The following ASNS variants were observed in gnomAD, a reference collection of about 807,000 sequenced individuals.
ASNS encodes the protein asparagine synthetase (glutamine-hydrolyzing), also known as asparagine synthetase [glutamine-hydrolyzing].
A neutral mutation model predicts 62.6 loss-of-function variants in ASNS; 37 were observed. The ratio of observed to expected loss-of-function variants is 0.59; its 90% CI spans 0.45 to 0.78. ASNS has a LOEUF of 0.78. ASNS is among the 30% of genes least tolerant of loss of function. The probability of loss-of-function intolerance (pLI) is 0.00; values close to 1 mark genes in which losing one functional copy is unlikely to be tolerated. For synonymous variants in ASNS, 207 were observed against 237.9 expected, an observed-to-expected ratio of 0.87 and a Z score of 1.19; for missense variants, 520 against 682.4, an observed-to-expected ratio of 0.76 and a Z score of 2.65.
At chr7:97,895,651 C>A in the ASNS span, among the ~76,000 whole-genome samples, 3 of 152,162 alleles carry the variant, frequency 2.0e-5, no homozygotes, top group Admixed American at 1.3e-4. Flanking sequence ...ATTAGCCAGG[C>A]ATGGTGGTAG....
At chr7:97,907,458 AG>A in the ASNS span, among the ~76,000 whole-genome samples, 2 of 152,280 alleles carry the variant, frequency 1.3e-5, no homozygotes, top group Admixed American at 1.3e-4. Context: ...GGCCAGGGAA[AG>A]GGGGTTAGTA....
At position 97,872,350 on chromosome 7, in the gene ASNS, C is replaced by CGCGGGGCGCAGGGCG. The variant is rs1562826029; in HGVS notation, c.-60_-60+1insCGCCCTGCGCCCCGC. On this transcript the variant is annotated splice_region_variant and 5_prime_UTR_variant. Coordinates refer to ENST00000394308, the MANE Select transcript of ASNS (RefSeq NM_001673.5). Reference sequence around the variant, plus strand: ...GGCACGGGGCGCAGGACCCGGCTCACCTGGGCGTAAGCAGGTCAGGGTGAT... The same window carrying CGCGGGGCGCAGGGCG: ...GGCACGGGGCGCAGGACCCGGCTCACGCGGGGCGCAGGGCGCTGGGCGTAAGCAGGTCAGGGTGAT... 1 of 153,368 alleles carries CGCGGGGCGCAGGGCG rather than the reference C, an allele frequency of 6.5e-6. No individual in the cohort carries two copies. The highest frequency in any genetic ancestry group is 2.4e-5 in the African/African-American group (1 of 41,478). The allele number at this position is 153,368 out of a possible 1,614,324, so 9.5% of individuals were successfully genotyped here.
chr7:97,888,502 C>G, the ASNS span, among the ~76,000 whole-genome samples: 2 of 152,136 alleles, frequency 1.3e-5, no homozygotes, highest in African/African-American at 4.8e-5. Flanking sequence ...TCTACATAAG[C>G]TTTTAGGCTA....
the ASNS span, among the ~76,000 whole-genome samples, chr7:97,903,242 GTT>G: frequency 9.4e-3 from 1,348 of 142,684 alleles, 11 homozygotes; most frequent in African/African-American, 0.021. Flanking sequence ...AAGATCCAGA[GTT>G]TTTTTTTTTT....
the ASNS span, chr7:97,928,104 T>G: frequency 6.5e-7 from 1 of 1,529,448 alleles, no homozygotes; most frequent in Non-Finnish European, 8.7e-7. Context: ...GCCACCTGTC[T>G]GGGTGCCGGT....
the ASNS span, among the ~76,000 whole-genome samples, chr7:97,900,466 A>G: frequency 6.6e-6 from 1 of 151,928 alleles, no homozygotes; most frequent in Non-Finnish European, 1.5e-5. Flanking sequence ...TGGTGTAGCC[A>G]CTGTGAGAAA....
chr7:97,910,830 G>A, the ASNS span, among the ~76,000 whole-genome samples: 1 of 152,042 alleles, frequency 6.6e-6, no homozygotes, highest in Non-Finnish European at 1.5e-5. Flanking sequence ...TTGATCTCTT[G>A]ACCTCATGAT....
intron 4 of ASNS, chr7:97,863,081 C>T (rs1441850929): frequency 2.0e-5 from 3 of 152,180 alleles, no homozygotes; most frequent in Non-Finnish European, 1.5e-5. Flanking sequence ...ATTAGTCTGG[C>T]AGTTCTTCAA....
intron 3 of ASNS, among the ~76,000 whole-genome samples, chr7:97,866,499 C>T (rs149895544): frequency 0.01 from 1,547 of 152,318 alleles, 15 homozygotes; most frequent in Non-Finnish European, 0.016. Flanking sequence ...TTCTGACACT[C>T]TCCACCATCA....
the ASNS span, among the ~76,000 whole-genome samples, chr7:97,912,337 C>A: frequency 6.6e-6 from 1 of 152,066 alleles, no homozygotes; most frequent in African/African-American, 2.4e-5. Context: ...TAGGTCAGGG[C>A]TGTTTTTTTG....
At chr7:97,877,145 A>C (rs939087169), upstream of ASNS, among the ~76,000 whole-genome samples, 18 of 143,528 alleles carry the variant, frequency 1.3e-4, no homozygotes, top group African/African-American at 4.7e-4. Context: ...CCCAGGTTGG[A>C]GTGCAGTGGC....
At chr7:97,855,104 A>C in intron 9 of ASNS, 1 of 423,460 alleles carries the variant, frequency 2.4e-6, no homozygotes, top group Admixed American at 3.7e-5. Context: ...CAGCCTCCTC[A>C]GCAGCTGGGG....
At chr7:97,889,982 G>A in the ASNS span, among the ~76,000 whole-genome samples, 9 of 117,764 alleles carry the variant, frequency 7.6e-5, no homozygotes, top group South Asian at 2.7e-4. Context: ...GTATCTGAAC[G>A]ACAAATTCAA....
chr7:97,903,714 A>G, the ASNS span, among the ~76,000 whole-genome samples: 1 of 152,238 alleles, frequency 6.6e-6, no homozygotes, highest in African/African-American at 2.4e-5. Flanking sequence ...CGTGAGCTAC[A>G]CATATTGATC....
At chr7:97,927,986 C>T in the ASNS span, 5 of 705,530 alleles carry the variant, frequency 7.1e-6, no homozygotes, top group Non-Finnish European at 1.2e-5. Context: ...AGCTTTAACC[C>T]GGGGCAGGCC....
intron 4 of ASNS, among the ~76,000 whole-genome samples, chr7:97,861,596 T>C (rs936808397): frequency 6.6e-6 from 1 of 152,206 alleles, no homozygotes; most frequent in African/African-American, 2.4e-5. Flanking sequence ...TCAGTTAATA[T>C]GAGGTCTCCT....
At chr7:97,878,043 A>G in the ASNS span, among the ~76,000 whole-genome samples, 1 of 152,188 alleles carries the variant, frequency 6.6e-6, no homozygotes, top group Non-Finnish European at 1.5e-5. Flanking sequence ...ACAGGTTGTG[A>G]GCGCCAGGTG....
At chr7:97,896,731 C>CATAT in the ASNS span, among the ~76,000 whole-genome samples, 11 of 27,868 alleles carry the variant, frequency 3.9e-4, no homozygotes, top group African/African-American at 9.7e-4. Context: ...CACACACACA[C>CATAT]ACACACACAC....
the ASNS span, among the ~76,000 whole-genome samples, chr7:97,895,601 G>A: frequency 2.6e-5 from 4 of 151,910 alleles, no homozygotes; most frequent in Non-Finnish European, 4.4e-5. Context: ...TGAGACCAGC[G>A]TGGCCAACAT....
Sources: allele counts gnomAD v4.1 joint callset (sites outside exome capture counted in the v4.1 genomes callset), GRCh38; gene constraint gnomAD v4.1.1; transcripts MANE v1.5; gene names NCBI Gene and HGNC (gene_info 2026-07-23, HGNC 2026-07-21).